Variants in ENTPD6 observed in about 807,000 individuals in gnomAD.
ENTPD6 encodes the protein CD39 antigen-like 2.
Under a neutral mutation model 61.5 loss-of-function variants are expected in ENTPD6, and 46 were observed. That is an observed-to-expected ratio of 0.75 (90% CI 0.59 to 0.96). The LOEUF is 0.96. ENTPD6 is among the 40% of genes least tolerant of loss of function. The pLI, the probability that ENTPD6 is intolerant of heterozygous loss-of-function variation, is 0.00. For synonymous variants in ENTPD6, 252 were observed against 255.5 expected, an observed-to-expected ratio of 0.99 and a Z score of 0.13; for missense variants, 612 against 629.0, an observed-to-expected ratio of 0.97 and a Z score of 0.29.
At chr20:25,225,056 T>C in intron 13 of ENTPD6, 149 bp from the exon 14 acceptor site, 1 of 1,279,024 alleles carries the variant, frequency 7.8e-7, no homozygotes, top group African/African-American at 1.5e-5. Context: ...GTGCACTGGG[T>C]GCCTTCTGCG....
intron 5 of ENTPD6, among the ~76,000 whole-genome samples, chr20:25,213,856 G>A (rs2092143467): frequency 2.6e-5 from 4 of 152,198 alleles, no homozygotes; most frequent in South Asian, 4.1e-4. Flanking sequence ...AAGCTGAGGC[G>A]GGAGGATCGA....
At chr20:25,202,884 C>A (rs2091155723) in intron 1 of ENTPD6, among the ~76,000 whole-genome samples, 1 of 152,340 alleles carries the variant, frequency 6.6e-6, no homozygotes, top group South Asian at 2.1e-4. Flanking sequence ...TATTTTCTTA[C>A]AGCTTTTAGC....
At position 25,209,938 on chromosome 20, in the gene ENTPD6, T is replaced by C; in HGVS notation, c.453+13T>C. 6.2e-7 allele frequency: 1 copy of C among 1,603,680 alleles called. No individual in the cohort carries two copies. The highest frequency in any genetic ancestry group is 8.5e-7 in the Non-Finnish European group (1 of 1,170,490). Reference sequence around the variant, plus strand: ...TGATGTTGAAAAGGTAAGGATCCTCTCCCGTGTCTCCCTGTTCAACTGCAG... The same window carrying C: ...TGATGTTGAAAAGGTAAGGATCCTCCCCCGTGTCTCCCTGTTCAACTGCAG... On this transcript the variant is annotated intron_variant, in intron 4 of 14. Transcript: ENST00000376652.
chr20:25,195,770 GC>G lies in ENTPD6; in HGVS notation c.-112del, dbSNP rs2090314828. The G allele has an allele frequency of 1.6e-5, 17 of 1,059,724 alleles. No homozygotes were observed. In the East Asian group the frequency reaches 5.5e-4, roughly 34 times the overall value. 65.6% of individuals were successfully genotyped at this position (1,059,724 alleles called of 1,614,324 possible). A position where few individuals can be genotyped will look rare whatever the true frequency, so the allele number is the denominator to read the frequency against. ...TATCCCGCGGGTGGAGGCCGGGGTG[GC>G]GCCGGCCGGGGCGGGGGAGCCCAAA... On this transcript the variant is annotated 5_prime_UTR_variant, in exon 1 of 15. Transcript: ENST00000376652.
Position 25,207,172 on chromosome 20 carries a change from G to A in ENTPD6, c.151G>A (p.Val51Met), listed in dbSNP as rs545073357. The A allele has an allele frequency of 2.5e-6, 4 of 1,614,152 alleles. No individual in the cohort carries two copies. The South Asian group carries it at 3.3e-5, about 13-fold the overall frequency. Residue 51 changes from valine (V) to methionine (M), a missense_variant, in exon 3 of 15, where the codon GTG becomes ATG. Coordinates refer to ENST00000376652, the MANE Select transcript of ENTPD6 (RefSeq NM_001247.5). ...AKVAYPLGLC[V>M]GVFIYVAYIK... The stretch of plus-strand genomic sequence containing the variant: ...GGTGGCATACCCCCTGGGGCTGTGT[G>A]TGGGCGTGTTCATCTATGTTGCCTA...
At chr20:25,197,583 G>T (rs190134701) in intron 1 of ENTPD6, among the ~76,000 whole-genome samples, 1 of 152,230 alleles carries the variant, frequency 6.6e-6, no homozygotes, top group Non-Finnish European at 1.5e-5. Context: ...TCTCCGGCAG[G>T]TGTCTCAGCC....
At chr20:25,218,978 T>G (rs1013589903) in intron 10 of ENTPD6, among the ~76,000 whole-genome samples, 4 of 152,182 alleles carry the variant, frequency 2.6e-5, no homozygotes, top group African/African-American at 9.7e-5. Flanking sequence ...GCCTGCCGGG[T>G]TCCAGCAATT....
In ENTPD6 at chr20:25,225,545, C is replaced by A; in HGVS notation, c.1403C>A (p.Ala468Asp). The A allele has an allele frequency of 6.2e-7, 1 of 1,614,056 alleles. No homozygotes were observed. The highest frequency in any genetic ancestry group is 8.5e-7 in the Non-Finnish European group (1 of 1,179,962). ...GTTGAGACCAGCTGGGCTCTGGGGG[C>A]CATTTTTCATTACATCGACTCCCTG... ...DNVETSWALG[A>D]IFHYIDSLNR... The change falls in exon 15 of 15, where the codon GCC becomes GAC. Residue 468 changes from alanine to aspartate, a missense_variant. Ala to Asp is a moderately radical substitution (Grantham distance 126, BLOSUM62 -2). Transcript: ENST00000376652.
chr20:25,211,904 G>A (rs1188466161), intron 4 of ENTPD6, among the ~76,000 whole-genome samples: 5 of 152,094 alleles, frequency 3.3e-5, no homozygotes, highest in Non-Finnish European at 5.9e-5. Context: ...TGCCTCCCAG[G>A]CTCAAATGAT....
chr20:25,196,921 G>A (rs913213406), intron 1 of ENTPD6, among the ~76,000 whole-genome samples: 3 of 152,152 alleles, frequency 2.0e-5, no homozygotes, highest in Non-Finnish European at 4.4e-5. Flanking sequence ...CCAGGGAGGT[G>A]GGCAGCCCTT....
intron 6 of ENTPD6, among the ~76,000 whole-genome samples, 158 bp from the exon 7 acceptor site, chr20:25,215,518 A>G (rs1568632003): frequency 6.6e-6 from 1 of 152,250 alleles, no homozygotes; most frequent in Non-Finnish European, 1.5e-5. Flanking sequence ...TTCATTTATG[A>G]GAAATGCTCC....
intron 4 of ENTPD6, among the ~76,000 whole-genome samples, chr20:25,210,338 T>C (rs57577721): frequency 0.029 from 4,417 of 152,236 alleles, 195 homozygotes; most frequent in African/African-American, 0.098. Flanking sequence ...ATAGCAAACA[T>C]TGACTGAAAA....
At chr20:25,214,179 G>A (rs1463642748) in intron 5 of ENTPD6, among the ~76,000 whole-genome samples, 1 of 152,174 alleles carries the variant, frequency 6.6e-6, no homozygotes, top group Non-Finnish European at 1.5e-5. Flanking sequence ...TTCCGCAGTG[G>A]GTCCTCCTCA....
At chr20:25,221,693 G>A in intron 11 of ENTPD6, 1 of 361,074 alleles carries the variant, frequency 2.8e-6, no homozygotes, top group Non-Finnish European at 5.4e-6. Context: ...GGGAATAGAG[G>A]GAGGGTCTGC....
intron 10 of ENTPD6, among the ~76,000 whole-genome samples, chr20:25,219,150 G>A (rs1405400286): frequency 1.3e-5 from 2 of 152,212 alleles, no homozygotes; most frequent in Non-Finnish European, 2.9e-5. Flanking sequence ...CAAAGTGCTG[G>A]GATTACAGGC....
At chr20:25,213,474 C>A in intron 5 of ENTPD6, 68 bp downstream of exon 5, 1 of 1,499,680 alleles carries the variant, frequency 6.7e-7, no homozygotes, top group Non-Finnish European at 9.0e-7. Flanking sequence ...AAAACAACTG[C>A]TGTCTCACCA....
At position 25,218,599 on chromosome 20, in the gene ENTPD6, G is replaced by C. The variant is rs141271331; in HGVS notation, c.928G>C (p.Val310Leu). Residue 310 changes from valine (V) to leucine (L), a missense_variant, in exon 10 of 15, where the codon GTG becomes CTG. Transcript: ENST00000376652. ...GGCACGCCTGGCGATCCTGGGCGGC[G>C]TGGAGGGGCAGCCTGGTGAGTGGAC... ...MSARLAILGG[V>L]EGQPAKDGKE... is the part of the protein sequence containing the mutation. 9 of 1,606,624 alleles carry C rather than the reference G, an allele frequency of 5.6e-6. No individual in the cohort carries two copies. Among genetic ancestry groups the C allele is most frequent in the East Asian group, 4.5e-5 (2 of 44,760 alleles).
intron 1 of ENTPD6, 98 bp from the exon 2 acceptor site, chr20:25,206,424 C>A: frequency 2.2e-6 from 2 of 929,284 alleles, no homozygotes; most frequent in Non-Finnish European, 3.5e-6. Flanking sequence ...TTGGGTATAT[C>A]GAACCAAAAA....
At chr20:25,205,017 T>C (rs1439840661) in intron 1 of ENTPD6, among the ~76,000 whole-genome samples, 2 of 152,204 alleles carry the variant, frequency 1.3e-5, no homozygotes, top group Non-Finnish European at 2.9e-5. Flanking sequence ...CTGTGTCCTC[T>C]CCCTGTTTAT....
Sources: gnomAD v4.1 joint callset for allele counts (sites outside exome capture counted in the v4.1 genomes callset) on GRCh38, gnomAD v4.1.1 for gene constraint, MANE v1.5 for transcripts, NCBI Gene and HGNC (gene_info 2026-07-23, HGNC 2026-07-21) for gene names.